DSG4: variants seen among roughly 807,000 people sequenced by gnomAD.
The protein encoded by DSG4 is desmoglein 4, also known as desmoglein-4.
In DSG4, 87 loss-of-function variants were observed where a neutral mutation model predicts 93.1. That is an observed-to-expected ratio of 0.93 (90% confidence interval 0.79 to 1.12). The LOEUF (loss-of-function observed/expected upper bound fraction) is 1.12. DSG4 is among the 50% of genes most tolerant of loss of function. DSG4 has a pLI of 0.00. For synonymous variants in DSG4, 432 were observed against 452.9 expected (o/e 0.95, Z 0.59); for missense variants, 1,373 against 1,285.7 (o/e 1.07, Z -1.04).
chr18:31,394,889 T>C (rs1288822995), intron 8 of DSG4, among the ~76,000 whole-genome samples: 2 of 152,290 alleles, frequency 1.3e-5, no homozygotes, highest in South Asian at 2.1e-4. Flanking sequence ...GTTCTTATCA[T>C]CTTAGTGACT....
chr18:31,388,048 T>C (rs935909392), intron 3 of DSG4, among the ~76,000 whole-genome samples: 3 of 152,190 alleles, frequency 2.0e-5, no homozygotes, highest in African/African-American at 7.2e-5. Context: ...TAATTTCTTT[T>C]GTGAAGCTAT....
chr18:31,387,859 A>G (rs1441830475), intron 3 of DSG4, among the ~76,000 whole-genome samples: 1 of 152,152 alleles, frequency 6.6e-6, no homozygotes, highest in African/African-American at 2.4e-5. Flanking sequence ...CATAAAATCT[A>G]TTTGGCAGAA....
intron 2 of DSG4, among the ~76,000 whole-genome samples, chr18:31,385,672 T>C (rs2072179633): frequency 6.6e-6 from 1 of 152,160 alleles, no homozygotes; most frequent in African/African-American, 2.4e-5. Flanking sequence ...AGTTAAATTT[T>C]CCTTATGATC....
In DSG4 at chr18:31,413,438, C is replaced by G; in HGVS notation, c.2966C>G (p.Pro989Arg). ...NSSTTEGCMG[P>R]VMSGNILVGP... is the part of the protein sequence containing the mutation. ...AGCACGACTGAGGGTTGTATGGGAC[C>G]TGTGATGAGCGGCAATATTTTAGTA... The change falls in exon 16 of 16, where the codon CCT (proline) becomes CGT (arginine). Residue 989 changes from proline (P) to arginine (R), a missense_variant. Physicochemically the swap from Pro to Arg is moderately radical, Grantham distance 103 (BLOSUM62 -2). Transcript: ENST00000308128. The G allele has an allele frequency of 6.2e-7, 1 of 1,612,762 alleles. No homozygotes were observed. Among genetic ancestry groups the G allele is most frequent in the East Asian group, 2.2e-5 (1 of 44,848 alleles).
At chr18:31,388,157 C>A (rs536662472) in intron 3 of DSG4, among the ~76,000 whole-genome samples, 1 of 152,094 alleles carries the variant, frequency 6.6e-6, no homozygotes, top group Non-Finnish European at 1.5e-5. Context: ...CATGTAATTC[C>A]CACAACAAAT....
chr18:31,407,546 T>C (rs1341546502), intron 12 of DSG4, among the ~76,000 whole-genome samples: 1 of 152,214 alleles, frequency 6.6e-6, no homozygotes, highest in Non-Finnish European at 1.5e-5. Flanking sequence ...TTAGGTTTCA[T>C]GGGGATCAAA....
chr18:31,397,566 T>G (rs2072319015), intron 8 of DSG4, among the ~76,000 whole-genome samples: 1 of 152,152 alleles, frequency 6.6e-6, no homozygotes, highest in South Asian at 2.1e-4. Context: ...CAGAACAATT[T>G]CCTGTTCCTA....
At chr18:31,408,375 A>G (rs1455954138) in intron 12 of DSG4, among the ~76,000 whole-genome samples, 4 of 152,258 alleles carry the variant, frequency 2.6e-5, no homozygotes, top group Non-Finnish European at 4.4e-5. Flanking sequence ...AGGCAGAACC[A>G]TGGCCTAGGG....
Position 31,413,088 on chromosome 18 carries a change from A to G in DSG4, c.2616A>G (p.Gly872=), listed in dbSNP as rs2072514281. 4 of 1,614,096 alleles carry G rather than the reference A, an allele frequency of 2.5e-6. No individual in the cohort carries two copies. The highest frequency in any genetic ancestry group is 2.7e-5 in the African/African-American group (2 of 75,006). Residue 872 remains glycine, a synonymous_variant, in exon 16 of 16, where the codon GGA becomes GGG. Coordinates refer to ENST00000308128, the MANE Select transcript of DSG4 (RefSeq NM_177986.5). ...TCAGTACTGACCTCCCTTTGCTCGGACCTAATTACTTTGTTAATGAATCTT... is the reference window on the plus strand; with the variant it reads ...TCAGTACTGACCTCCCTTTGCTCGGGCCTAATTACTTTGTTAATGAATCTT... The part of the protein sequence containing the change: ...IPISTDLPLL[G]PNYFVNESSG...
At chr18:31,409,952 A>T in intron 14 of DSG4, 144 bp downstream of exon 14, 1 of 919,600 alleles carries the variant, frequency 1.1e-6, no homozygotes, top group Non-Finnish European at 1.7e-6. Context: ...ACCTGTTTGA[A>T]GTAGCCACTT....
chr18:31,409,360 A>G, intron 12 of DSG4, 92 bp from the exon 13 acceptor site: 5 of 1,585,456 alleles, frequency 3.2e-6, no homozygotes, highest in Non-Finnish European at 4.3e-6. Flanking sequence ...TTCTAAATAT[A>G]CTGCCACCAA....
At chr18:31,378,171 T>A (rs550332646) in intron 1 of DSG4, among the ~76,000 whole-genome samples, 2 of 152,334 alleles carry the variant, frequency 1.3e-5, no homozygotes, top group South Asian at 4.1e-4. Context: ...TATTAAACAA[T>A]ACCATTTTTG....
At chr18:31,392,386 C>T in intron 8 of DSG4, 46 bp downstream of exon 8, 1 of 1,593,478 alleles carries the variant, frequency 6.3e-7, no homozygotes, top group South Asian at 1.1e-5. Context: ...ATATTTTATT[C>T]CAAAGAAGTT....
rs538517136 is a variant in DSG4, at chr18:31,386,884, A to T, written c.216+65A>T. ...AGCAGGGAAGCTTTCAAATATCTCC[A>T]AGATTTGCAGGCTTCACTGCTCCAC... On this transcript the variant is annotated intron_variant, in intron 3 of 15. Transcript: ENST00000308128. The T allele has an allele frequency of 9.5e-5, 152 of 1,605,370 alleles. No homozygotes were observed. In the African/African-American group the frequency reaches 1.3e-3, roughly 13 times the overall value.
chr18:31,406,476 T>C (rs1194420753), intron 12 of DSG4, 103 bp downstream of exon 12: 4 of 1,417,474 alleles, frequency 2.8e-6, no homozygotes, highest in Admixed American at 1.7e-5. Context: ...CTTTTTGGTA[T>C]CTCTAGCAAT....
intron 12 of DSG4, 82 bp downstream of exon 12, chr18:31,406,455 T>G (rs771033921): frequency 2.6e-6 from 4 of 1,560,430 alleles, no homozygotes; most frequent in Non-Finnish European, 3.5e-6. Context: ...GTTAGGTTCA[T>G]GGAGCCATTT....
In DSG4 at chr18:31,390,822, G is replaced by T. The variant is rs765229630; in HGVS notation, c.684G>T (p.Glu228Asp). 6.2e-7 allele frequency: 1 copy of T among 1,613,130 alleles called. No individual in the cohort carries two copies. Among genetic ancestry groups the T allele is most frequent in the East Asian group, 2.2e-5 (1 of 44,820 alleles). Residue 228 changes from glutamate to aspartate, a missense_variant and splice_region_variant, in exon 6 of 16, where the codon GAG becomes GAT. Coordinates refer to ENST00000308128, the MANE Select transcript of DSG4 (RefSeq NM_177986.5). ...CCATGTCCAGTTTCTTGGACAGAGA[G>T]GTAAAGCCTTCTGTGAATGAACAAG... ...VCTMSSFLDR[E>D]QHSMYNLVVR...
chr18:31,396,121 G>A (rs1321295527), intron 8 of DSG4, among the ~76,000 whole-genome samples: 1 of 149,854 alleles, frequency 6.7e-6, no homozygotes, highest in Non-Finnish European at 1.5e-5. Context: ...CAATAAAAAA[G>A]TGTGTGTGTA....
intron 2 of DSG4, 31 bp downstream of exon 2, chr18:31,385,202 T>A: frequency 6.7e-7 from 1 of 1,492,542 alleles, no homozygotes. Context: ...TTTCTCAATT[T>A]AAAATTAAAA....
Sources: gnomAD v4.1 joint callset for allele counts (sites outside exome capture counted in the v4.1 genomes callset) on GRCh38, gnomAD v4.1.1 for gene constraint, MANE v1.5 for transcripts, NCBI Gene and HGNC (gene_info 2026-07-23, HGNC 2026-07-21) for gene names.